Variants in MIGA1 observed in about 807,000 individuals in gnomAD.
MIGA1 encodes the protein family with sequence similarity 73, member A.
Under a neutral mutation model 82.0 loss-of-function variants are expected in MIGA1, and 58 were observed. The ratio of observed to expected loss-of-function variants is 0.71; its 90% CI spans 0.57 to 0.88. The LOEUF is 0.88. Among genes scored for constraint, MIGA1 ranks in the 40% least tolerant of loss-of-function variants. The probability of loss-of-function intolerance (pLI) is 0.00; values close to 1 mark genes in which losing one functional copy is unlikely to be tolerated. For missense variants in MIGA1, 751 were observed against 749.1 expected (o/e 1.00, Z -0.03); for synonymous variants, 249 against 253.6 (o/e 0.98, Z 0.17).
rs1646916375 is a variant in MIGA1 at position 77,879,023 on chromosome 1, T to A, written c.*3959T>A. On this transcript the variant is annotated 3_prime_UTR_variant, in exon 16 of 16. Transcript: ENST00000370791. ...GTGATTATTTGCATTACAAAGGAAT[T>A]CTTAATAATTCCTGTAAGCCTAGGA... 4.0e-6 allele frequency: 1 copy of A among 249,658 alleles called. No homozygotes were observed. The highest frequency in any genetic ancestry group is 2.2e-5 in the African/African-American group (1 of 45,508). The allele number at this position is 249,658 out of a possible 1,614,324, so 15.5% of individuals were successfully genotyped here.
chr1:77,848,890 C>T (rs1019320391), intron 8 of MIGA1: 48 of 697,808 alleles, frequency 6.9e-5, no homozygotes, highest in Non-Finnish European at 9.3e-5. Flanking sequence ...AGTGTGTTAC[C>T]AGTAGTTTGG....
chr1:77,865,160 G>A (rs922765594), intron 13 of MIGA1, among the ~76,000 whole-genome samples: 4 of 150,190 alleles, frequency 2.7e-5, no homozygotes, highest in African/African-American at 9.8e-5. Context: ...TTCCTTCCTG[G>A]AATCACCTCC....
intron 13 of MIGA1, among the ~76,000 whole-genome samples, chr1:77,865,605 A>G (rs1235029462): frequency 6.6e-6 from 1 of 152,144 alleles, no homozygotes; most frequent in Non-Finnish European, 1.5e-5. Flanking sequence ...AAAAAAAAGA[A>G]GAAGAAAAAT....
At chr1:77,821,984 G>A (rs956375495) in intron 7 of MIGA1, among the ~76,000 whole-genome samples, 1 of 152,118 alleles carries the variant, frequency 6.6e-6, no homozygotes, top group Non-Finnish European at 1.5e-5. Flanking sequence ...TAATAATACT[G>A]TGTTGCATAT....
chr1:77,866,707 A>G, intron 14 of MIGA1, among the ~76,000 whole-genome samples: 1 of 139,106 alleles, frequency 7.2e-6, no homozygotes, highest in Admixed American at 7.4e-5. Context: ...TTTTTTTGAG[A>G]CAGTCTGTCT....
chr1:77,789,612 T>A (rs1309007008), intron 2 of MIGA1, among the ~76,000 whole-genome samples: 1 of 152,200 alleles, frequency 6.6e-6, no homozygotes, highest in East Asian at 1.9e-4. Flanking sequence ...ATCGTTTTGA[T>A]CTTATGGATT....
chr1:77,801,341 C>G lies in MIGA1; in HGVS notation c.206C>G (p.Ser69Cys). The G allele has an allele frequency of 3.2e-6, 5 of 1,548,962 alleles. No individual in the cohort carries two copies. Among genetic ancestry groups the G allele is most frequent in the Non-Finnish European group, 4.3e-6 (5 of 1,158,130 alleles). The change falls in exon 3 of 16, where the codon TCT becomes TGT. Residue 69 changes from serine to cysteine, a missense_variant. Physicochemically the swap from Ser to Cys is moderately radical, Grantham distance 112. Around this residue, in one of 3 missense-constraint regions of MIGA1, gnomAD observed 482 missense variants for 439.4 expected, o/e 1.10. Transcript: ENST00000370791. ...CTGAATCTTTTCCAGATCAAATTTT[C>G]TCCGGTGGCTAAAAAGTTGTTTGTG...
intron 2 of MIGA1, among the ~76,000 whole-genome samples, chr1:77,800,039 C>G (rs943578301): frequency 6.6e-6 from 1 of 152,072 alleles, no homozygotes; most frequent in Non-Finnish European, 1.5e-5. Flanking sequence ...AAATTTCTCT[C>G]TAAAGTTAAA....
chr1:77,790,115 A>G (rs1159498275), intron 2 of MIGA1, among the ~76,000 whole-genome samples: 3 of 152,234 alleles, frequency 2.0e-5, no homozygotes, highest in Admixed American at 2.0e-4. Context: ...TGACTATAGT[A>G]CAATATCACA....
chr1:77,859,069 TTTTG>T lies in MIGA1; in HGVS notation c.1115+17_1115+20del, dbSNP rs767383017. On this transcript the variant is annotated intron_variant, in intron 9 of 15. Coordinates refer to ENST00000370791, the MANE Select transcript of MIGA1 (RefSeq NM_198549.4). ...CCAGAGTACTGAGGTACCATTTCAGTTTTGTTTATGTTTATGAAGGATATTAAGG... is the reference window on the plus strand; with the variant it reads ...CCAGAGTACTGAGGTACCATTTCAGTTTTATGTTTATGAAGGATATTAAGG... 6 of 1,486,204 alleles carry T rather than the reference TTTTG, an allele frequency of 4.0e-6. No homozygotes were observed. Among genetic ancestry groups the T allele is most frequent in the Admixed American group, 1.7e-5 (1 of 59,866 alleles). 92.1% of individuals were successfully genotyped at this position (1,486,204 alleles called of 1,614,324 possible).
intron 2 of MIGA1, among the ~76,000 whole-genome samples, chr1:77,789,656 A>G (rs1000820351): frequency 1.3e-5 from 2 of 151,704 alleles, no homozygotes; most frequent in African/African-American, 4.8e-5. Flanking sequence ...CATTGCATTT[A>G]TTTATTCTTA....
intron 9 of MIGA1, 109 bp from the exon 10 acceptor site, chr1:77,859,205 A>C: frequency 1.9e-6 from 2 of 1,036,924 alleles, no homozygotes; most frequent in Non-Finnish European, 3.0e-6. Flanking sequence ...GTATTGAAAA[A>C]ACATGTTTTA....
intron 10 of MIGA1, chr1:77,859,755 A>G (rs1685395523): frequency 7.8e-6 from 3 of 385,830 alleles, no homozygotes; most frequent in African/African-American, 6.2e-5. Flanking sequence ...ACAAGAATAT[A>G]TTTGTTTTCT....
intron 2 of MIGA1, among the ~76,000 whole-genome samples, chr1:77,787,547 CCT>C (rs1408840616): frequency 6.6e-6 from 1 of 151,852 alleles, no homozygotes; most frequent in Non-Finnish European, 1.5e-5. Context: ...TGCCACCATA[CCT>C]GGCTAATTTT....
At chr1:77,871,462 A>G (rs2101982659) in intron 14 of MIGA1, among the ~76,000 whole-genome samples, 1 of 152,160 alleles carries the variant, frequency 6.6e-6, no homozygotes, top group African/African-American at 2.4e-5. Context: ...AGATGGTGCC[A>G]CTGCACTCCA....
chr1:77,811,594 A>C, intron 5 of MIGA1: 1 of 1,612,140 alleles, frequency 6.2e-7, no homozygotes, highest in Non-Finnish European at 8.5e-7. Context: ...AATTTTGCCT[A>C]TGGTTTTCTT....
chr1:77,823,694 A>G (rs1683918120), intron 7 of MIGA1, among the ~76,000 whole-genome samples: 1 of 152,190 alleles, frequency 6.6e-6, no homozygotes, highest in African/African-American at 2.4e-5. Flanking sequence ...CCTCCTGAGT[A>G]GCTAGGACTG....
At chr1:77,793,291 C>T (rs964708574) in intron 2 of MIGA1, among the ~76,000 whole-genome samples, 2 of 151,462 alleles carry the variant, frequency 1.3e-5, no homozygotes, top group Non-Finnish European at 2.9e-5. Context: ...TTTGTAGAGA[C>T]GGGGTCTCAC....
At chr1:77,811,351 G>A in intron 5 of MIGA1, 1 of 1,607,060 alleles carries the variant, frequency 6.2e-7, no homozygotes, top group Non-Finnish European at 8.5e-7. Context: ...AGAATCAGGA[G>A]ACCCTGCTCC....
Sources: gnomAD v4.1 joint callset for allele counts (sites outside exome capture counted in the v4.1 genomes callset) on GRCh38, gnomAD v4.1.1 for gene constraint, gnomAD v4.1.1 regional missense constraint, MANE v1.5 for transcripts, NCBI Gene and HGNC (gene_info 2026-07-23, HGNC 2026-07-21) for gene names.